The following IL1RN variants were observed in gnomAD, a reference collection of about 807,000 sequenced individuals.
IL1RN encodes the protein interleukin-1 receptor antagonist protein.
Under a neutral mutation model 13.7 loss-of-function variants are expected in IL1RN, and 10 were observed. The observed-to-expected ratio is 0.73, with a 90% CI of 0.45 to 1.24. The LOEUF is 1.24. Among genes scored for constraint, IL1RN ranks in the 50% most tolerant of loss-of-function variants. The pLI is 0.00. For missense variants in IL1RN, 213 were observed against 222.1 expected, an observed-to-expected ratio of 0.96 and a Z score of 0.26; for synonymous variants, 102 against 82.7, an observed-to-expected ratio of 1.23 and a Z score of -1.27.
intron 1 of IL1RN, among the ~76,000 whole-genome samples, chr2:113,111,647 A>T (rs1686498030): frequency 6.6e-6 from 1 of 152,110 alleles, no homozygotes; most frequent in Non-Finnish European, 1.5e-5. Context: ...GTGCCACCCT[A>T]CCTCCTGGCG....
Position 113,122,188 on chromosome 2 carries a change from C to T in IL1RN, c.73+2060C>T, listed in dbSNP as rs141716564. ...GCCAACATTTCACAAATAGTGCTTGCGTGACACAAATGCAGTTCCAGGAGG... is the reference window on the plus strand; with the variant it reads ...GCCAACATTTCACAAATAGTGCTTGTGTGACACAAATGCAGTTCCAGGAGG... On this transcript the variant is annotated intron_variant, in intron 2 of 5. Transcript: ENST00000259206. Among the ~76,000 whole-genome samples the T allele has an allele frequency of 1.4e-4, 22 of 152,248 alleles. No individual in the cohort carries two copies. In the East Asian group the frequency reaches 2.7e-3, roughly 19 times the overall value.
At chr2:113,114,307 C>T (rs1686551439), upstream of IL1RN, among the ~76,000 whole-genome samples, 1 of 152,182 alleles carries the variant, frequency 6.6e-6, no homozygotes, top group Admixed American at 6.5e-5. Flanking sequence ...CTTATGGATT[C>T]AGGAGTCCTC....
In IL1RN at chr2:113,121,699, T is replaced by C. The variant is rs147026182; in HGVS notation, c.73+1571T>C. Reference sequence around the variant, plus strand: ...ATTATATACCATGTCCTGATCCCCTTCATCATCCAGGAGAGCAGAGGTGGT... The same window carrying C: ...ATTATATACCATGTCCTGATCCCCTCCATCATCCAGGAGAGCAGAGGTGGT... On this transcript the variant is annotated intron_variant, in intron 2 of 5. Coordinates refer to the IL1RN transcript ENST00000259206. 1.1e-3 allele frequency: 814 copies of C among 768,934 alleles called. 7 individuals are homozygous for C. The African/African-American group carries it at 0.014, about 13-fold the overall frequency. The allele number at this position is 768,934 out of a possible 1,614,324, so 47.6% of individuals were successfully genotyped here. A position where few individuals can be genotyped will look rare whatever the true frequency, so the allele number is the denominator to read the frequency against.
Position 113,129,680 on chromosome 2 carries a change from G to A in IL1RN, c.205+16G>A. The A allele has an allele frequency of 6.5e-7, 1 of 1,547,460 alleles. No individual in the cohort carries two copies. The highest frequency in any genetic ancestry group is 8.9e-7 in the Non-Finnish European group (1 of 1,118,930). ...AATTTAGAAGGTGAGTGGTTGCCAG[G>A]AAAGCCAATGTATGTGGGCATCACG... On this transcript the variant is annotated intron_variant, in intron 2 of 3. Coordinates refer to ENST00000409930, the MANE Select transcript of IL1RN (RefSeq NM_173842.3).
intron 2 of IL1RN, 50 bp from the exon 3 acceptor site, chr2:113,130,995 T>G: frequency 8.5e-7 from 1 of 1,182,750 alleles, no homozygotes; most frequent in Non-Finnish European, 1.3e-6. Flanking sequence ...CTCTTCATTA[T>G]TGCTGCTTCC....
intron 1 of IL1RN, among the ~76,000 whole-genome samples, chr2:113,129,347 G>A (rs1687077331): frequency 6.6e-6 from 1 of 152,180 alleles, no homozygotes; most frequent in Non-Finnish European, 1.5e-5. Flanking sequence ...AGTAAGGAGG[G>A]GAGTCAAATG....
chr2:113,121,033 TTCTTCTTCTTCC>T (rs1305386920), intron 2 of IL1RN, among the ~76,000 whole-genome samples: 18 of 136,522 alleles, frequency 1.3e-4, no homozygotes, highest in Non-Finnish European at 2.2e-4. Flanking sequence ...CTTCTTCTTC[TTCTTCTTCTTCC>T]TCTTCTTCTT....
At chr2:113,112,842 T>A (rs1686523892) in intron 1 of IL1RN, among the ~76,000 whole-genome samples, 1 of 152,204 alleles carries the variant, frequency 6.6e-6, no homozygotes, top group Admixed American at 6.5e-5. Flanking sequence ...ATCCTCAGAA[T>A]CTAATACTGC....
At chr2:113,131,932 T>G (rs1271991320) in intron 3 of IL1RN, among the ~76,000 whole-genome samples, 1 of 152,182 alleles carries the variant, frequency 6.6e-6, no homozygotes, top group African/African-American at 2.4e-5. Context: ...GGTGACTGCC[T>G]GTTCTGTGAG....
At chr2:113,131,910 A>G (rs1214681637) in intron 3 of IL1RN, among the ~76,000 whole-genome samples, 1 of 152,152 alleles carries the variant, frequency 6.6e-6, no homozygotes, top group Non-Finnish European at 1.5e-5. Flanking sequence ...CACCAGGGAC[A>G]CTGTTCTGGA....
At chr2:113,119,789 TG>T (rs1686704526) in intron 1 of IL1RN, among the ~76,000 whole-genome samples, 1 of 152,176 alleles carries the variant, frequency 6.6e-6, no homozygotes, top group African/African-American at 2.4e-5. Flanking sequence ...ATAAGCTTAG[TG>T]AAGACACCAT....
intron 3 of IL1RN, among the ~76,000 whole-genome samples, chr2:113,131,372 T>C (rs1213939568): frequency 1.3e-5 from 2 of 152,172 alleles, no homozygotes; most frequent in Non-Finnish European, 2.9e-5. Context: ...AGGCTCTCTT[T>C]CCATGTGATC....
chr2:113,119,655 T>C (rs1686700569), intron 1 of IL1RN, among the ~76,000 whole-genome samples: 1 of 152,176 alleles, frequency 6.6e-6, no homozygotes, highest in South Asian at 2.1e-4. Flanking sequence ...TACCAATACA[T>C]TGTGAAGAAA....
chr2:113,125,135 T>C (rs189522558), upstream of IL1RN, among the ~76,000 whole-genome samples: 115 of 152,264 alleles, frequency 7.6e-4, no homozygotes, highest in African/African-American at 2.7e-3. Flanking sequence ...TTCCGGAGGG[T>C]TGAAGAAAGA....
chr2:113,114,846 C>A (rs1300857841), upstream of IL1RN, among the ~76,000 whole-genome samples: 2 of 152,096 alleles, frequency 1.3e-5, no homozygotes, highest in African/African-American at 4.8e-5. Flanking sequence ...CACATAAATG[C>A]AGAGTCTGAG....
At chr2:113,099,728 C>CTTT in the IL1RN span, among the ~76,000 whole-genome samples, 29 of 41,460 alleles carry the variant, frequency 7.0e-4, no homozygotes, top group African/African-American at 2.2e-3. Context: ...TCTTTCTTTT[C>CTTT]TTTTTTTTTT....
exon 1 of IL1RN, chr2:113,118,007 G>T (rs2234679): frequency 6.6e-7 from 1 of 1,525,028 alleles, no homozygotes; most frequent in Non-Finnish European, 9.1e-7. Flanking sequence ...CCTGTCCTAT[G>T]AGGCCCTCCC....
upstream of IL1RN, among the ~76,000 whole-genome samples, chr2:113,108,504 T>C (rs749911002): frequency 6.6e-6 from 1 of 152,012 alleles, no homozygotes; most frequent in Non-Finnish European, 1.5e-5. Context: ...TCTCTACTTT[T>C]AAGGACCCTT....
At chr2:113,128,434 T>G (rs1202856116) in intron 1 of IL1RN, among the ~76,000 whole-genome samples, 1 of 152,132 alleles carries the variant, frequency 6.6e-6, no homozygotes, top group Non-Finnish European at 1.5e-5. Flanking sequence ...TCTCCCCCAC[T>G]CTGACCTTTA....
Sources: gnomAD v4.1 joint callset for allele counts (sites outside exome capture counted in the v4.1 genomes callset) on GRCh38, gnomAD v4.1.1 for gene constraint, MANE v1.5 for transcripts, NCBI Gene and HGNC (gene_info 2026-07-23, HGNC 2026-07-21) for gene names.